Variants in NUP54 observed in about 807,000 individuals in gnomAD.
The protein encoded by NUP54 is nucleoporin p54.
In NUP54, 27 loss-of-function variants were observed where a neutral mutation model predicts 66.4. The ratio of observed to expected loss-of-function variants is 0.41; its 90% CI spans 0.30 to 0.56. The LOEUF is 0.56. NUP54 is among the 20% of genes least tolerant of loss of function. NUP54 has a pLI of 0.34. For synonymous variants in NUP54, 206 were observed against 210.7 expected (o/e 0.98, Z 0.19); for missense variants, 486 against 596.3 (o/e 0.82, Z 1.93).
chr4:76,116,940 A>C (rs1729977178), intron 11 of NUP54, among the ~76,000 whole-genome samples: 1 of 152,156 alleles, frequency 6.6e-6, no homozygotes, highest in African/African-American at 2.4e-5. Flanking sequence ...GCATACCATA[A>C]AATTTTGCCT....
At chr4:76,118,872 G>T (rs957404440) in intron 9 of NUP54, among the ~76,000 whole-genome samples, 1 of 151,918 alleles carries the variant, frequency 6.6e-6, no homozygotes, top group African/African-American at 2.4e-5. Flanking sequence ...GACGTTGATG[G>T]TGCACGCCTG....
rs772381076 is a variant in NUP54, at chr4:76,124,621, C to A, written c.1164+28G>T. 5 of 994,084 alleles carry A rather than the reference C, an allele frequency of 5.0e-6. No individual in the cohort carries two copies. In the East Asian group the frequency reaches 9.8e-5, roughly 20 times the overall value. The allele number at this position is 994,084 out of a possible 1,614,324, so 61.6% of individuals were successfully genotyped here. ...TATTTCACACACATAGTCTTATAAA[C>A]ACTGGGGGGGAAAATCCAAATTACT... On this transcript the variant is annotated intron_variant, in intron 9 of 11. Transcript: ENST00000264883.
intron 1 of NUP54, among the ~76,000 whole-genome samples, chr4:76,147,046 C>A (rs1731532622): frequency 6.6e-6 from 1 of 152,154 alleles, no homozygotes; most frequent in Admixed American, 6.5e-5. Context: ...CAGGTTACTG[C>A]TGTTCGTATA....
rs575112507 is a variant in NUP54, at chr4:76,125,598, G to A, written c.1057-842C>T. Reference sequence around the variant, plus strand: ...TGCAGTGAGCCGTGATCATGCCACTGCACTCCAGCATGGGCAAGAGGGAGA... The same window carrying A: ...TGCAGTGAGCCGTGATCATGCCACTACACTCCAGCATGGGCAAGAGGGAGA... On this transcript the variant is annotated intron_variant, in intron 8 of 11. Coordinates refer to ENST00000264883, the MANE Select transcript of NUP54 (RefSeq NM_017426.4). Among the ~76,000 whole-genome samples the A allele has an allele frequency of 1.3e-4, 17 of 130,690 alleles. No individual in the cohort carries two copies. In the East Asian group the frequency reaches 3.6e-3, roughly 28 times the overall value. The allele number at this position is 130,690 out of a possible 152,430, so 85.7% of individuals were successfully genotyped here.
At position 76,132,345 on chromosome 4, in the gene NUP54, A is replaced by T. The variant is rs187079710; in HGVS notation, c.907+178T>A. On this transcript the variant is annotated intron_variant, in intron 6 of 11. Coordinates refer to ENST00000264883, the MANE Select transcript of NUP54 (RefSeq NM_017426.4). ...CTATTTTAACATATACATATTAGCT[A>T]TATAATAAAAAACTAAATGAATACA... 7.1e-5 allele frequency: 30 copies of T among 420,366 alleles called. No individual in the cohort carries two copies. In the East Asian group the frequency reaches 1.1e-3, roughly 15 times the overall value. 26.0% of individuals were successfully genotyped at this position (420,366 alleles called of 1,614,324 possible).
chr4:76,123,045 A>T (rs983370888), intron 9 of NUP54, among the ~76,000 whole-genome samples: 1 of 152,260 alleles, frequency 6.6e-6, no homozygotes, highest in South Asian at 2.1e-4. Flanking sequence ...TAGGACTGAC[A>T]GATTTGCAGT....
At chr4:76,118,873 T>C (rs1247685827) in intron 9 of NUP54, among the ~76,000 whole-genome samples, 3 of 151,756 alleles carry the variant, frequency 2.0e-5, no homozygotes, top group Non-Finnish European at 4.4e-5. Context: ...ACGTTGATGG[T>C]GCACGCCTGT....
chr4:76,136,812 G>A (rs1156970084), intron 3 of NUP54, among the ~76,000 whole-genome samples: 2 of 152,224 alleles, frequency 1.3e-5, no homozygotes, highest in African/African-American at 4.8e-5. Flanking sequence ...TAGAAGTAAC[G>A]CAGTACTGCC....
At chr4:76,123,084 C>T (rs56887664) in intron 9 of NUP54, among the ~76,000 whole-genome samples, 20,015 of 152,080 alleles carry the variant, frequency 0.13, 1,543 homozygotes, top group East Asian at 0.35. Context: ...ACAATGGGTA[C>T]GGGATTTGTC....
chr4:76,115,961 C>G (rs1369812230), intron 11 of NUP54, among the ~76,000 whole-genome samples: 1 of 152,152 alleles, frequency 6.6e-6, no homozygotes, highest in African/African-American at 2.4e-5. Context: ...GCTGTTTTAA[C>G]AGTACTGGTA....
At chr4:76,142,799 T>C (rs1374741836) in intron 3 of NUP54, among the ~76,000 whole-genome samples, 1 of 152,088 alleles carries the variant, frequency 6.6e-6, no homozygotes. Flanking sequence ...TCAATAAGAA[T>C]GGTAACTGCA....
intron 8 of NUP54, among the ~76,000 whole-genome samples, chr4:76,125,791 G>GAGGGAGAGAGGGAGAT (rs1560679522): frequency 3.0e-4 from 11 of 36,980 alleles, no homozygotes; most frequent in Non-Finnish European, 5.7e-4. Context: ...GAGGGGGAGA[G>GAGGGAGAGAGGGAGAT]AGGGAGAGGG....
At chr4:76,137,948 T>C (rs1731107488) in intron 3 of NUP54, among the ~76,000 whole-genome samples, 1 of 152,226 alleles carries the variant, frequency 6.6e-6, no homozygotes, top group Admixed American at 6.5e-5. Flanking sequence ...AAGAAAATTC[T>C]TAAATAGTAA....
intron 8 of NUP54, among the ~76,000 whole-genome samples, chr4:76,130,028 T>C (rs1730733133): frequency 8.9e-6 from 1 of 112,946 alleles, no homozygotes; most frequent in Non-Finnish European, 1.7e-5. Flanking sequence ...TCGCCCAGGC[T>C]GGAGTGCAGT....
intron 9 of NUP54, among the ~76,000 whole-genome samples, chr4:76,124,323 A>C (rs983037553): frequency 1.3e-5 from 2 of 152,102 alleles, no homozygotes; most frequent in African/African-American, 4.8e-5. Flanking sequence ...AAATTTTCTG[A>C]ACTATTTTAT....
rs1374582409 is a variant in NUP54, at chr4:76,125,643, AGAGGGG to A, written c.1057-893_1057-888del. On this transcript the variant is annotated intron_variant, in intron 8 of 11. Transcript: ENST00000264883. ...GGGAGAGGGAGAGGGGGAGAGGGGG[AGAGGGG>A]GAGAGGGAGAGAGGGGGAGAGAGGG... 6.7e-4 allele frequency among the ~76,000 whole-genome samples: 15 copies of A among 22,500 alleles called. No homozygotes were observed. In the East Asian group the frequency reaches 0.017, roughly 26 times the overall value. The allele number at this position is 22,500 out of a possible 152,430, so 14.8% of individuals were successfully genotyped here. A position where few individuals can be genotyped will look rare whatever the true frequency, so the allele number is the denominator to read the frequency against.
intron 3 of NUP54, 136 bp downstream of exon 3, chr4:76,144,012 GA>G: frequency 1.1e-6 from 1 of 893,048 alleles, no homozygotes; most frequent in Non-Finnish European, 1.7e-6. Flanking sequence ...ATTTAAACAT[GA>G]AAAGTAACAT....
intron 1 of NUP54, among the ~76,000 whole-genome samples, chr4:76,147,186 T>C (rs1012053565): frequency 6.6e-6 from 1 of 152,036 alleles, no homozygotes; most frequent in Non-Finnish European, 1.5e-5. Flanking sequence ...AGTTTATACT[T>C]TGGAAGTCCT....
chr4:76,117,430 A>G (rs188189313), intron 11 of NUP54, among the ~76,000 whole-genome samples: 2 of 152,298 alleles, frequency 1.3e-5, no homozygotes, highest in East Asian at 3.9e-4. Context: ...ACTTGGGTAT[A>G]TATCCAGAAG....
Sources: allele counts gnomAD v4.1 joint callset (sites outside exome capture counted in the v4.1 genomes callset), GRCh38; gene constraint gnomAD v4.1.1; transcripts MANE v1.5; gene names NCBI Gene and HGNC (gene_info 2026-07-23, HGNC 2026-07-21).